The following BNC2 variants were observed in gnomAD, a reference collection of about 807,000 sequenced individuals.
BNC2 encodes the protein zinc finger protein basonuclin-2.
In BNC2, 20 loss-of-function variants were observed where a neutral mutation model predicts 76.3. That is an observed-to-expected ratio of 0.26 (90% CI 0.18 to 0.38). BNC2 has a LOEUF of 0.38. Among genes scored for constraint, BNC2 ranks in the 10% least tolerant of loss-of-function variants. BNC2 has a pLI of 1.00. For synonymous variants in BNC2, 582 were observed against 514.8 expected (o/e 1.13, Z -1.77); for missense variants, 1,382 against 1,399.8 (o/e 0.99, Z 0.20).
chr9:16,622,629 C>A (rs1820894831), intron 3 of BNC2, among the ~76,000 whole-genome samples: 1 of 152,124 alleles, frequency 6.6e-6, no homozygotes, highest in Non-Finnish European at 1.5e-5. Context: ...CTCTTGGAGG[C>A]ACAATTTTTG....
intron 5 of BNC2, among the ~76,000 whole-genome samples, chr9:16,484,093 G>A (rs1208937418): frequency 2.6e-5 from 4 of 152,164 alleles, no homozygotes; most frequent in East Asian, 1.9e-4. Context: ...GGCTTTTGAC[G>A]TGGTGTCATG....
At chr9:16,534,839 A>T (rs1818080473) in intron 5 of BNC2, among the ~76,000 whole-genome samples, 1 of 152,182 alleles carries the variant, frequency 6.6e-6, no homozygotes, top group Admixed American at 6.5e-5. Flanking sequence ...AAACTTTTAT[A>T]CTTTGGCTCT....
chr9:16,612,341 G>A (rs1164515967), intron 3 of BNC2, among the ~76,000 whole-genome samples: 1 of 152,094 alleles, frequency 6.6e-6, no homozygotes, highest in Non-Finnish European at 1.5e-5. Context: ...ATACAATACT[G>A]TACACATGAA....
chr9:16,730,900 C>T (rs867253432), intron 2 of BNC2, among the ~76,000 whole-genome samples: 2 of 152,132 alleles, frequency 1.3e-5, no homozygotes, highest in South Asian at 4.1e-4. Flanking sequence ...CAAAAAGAGA[C>T]AACAATTAAT....
intron 5 of BNC2, among the ~76,000 whole-genome samples, chr9:16,528,286 T>C (rs1224070257): frequency 2.6e-5 from 4 of 152,082 alleles, no homozygotes; most frequent in Non-Finnish European, 5.9e-5. Flanking sequence ...GTCATCTCTT[T>C]AACAGCTCTT....
At position 16,748,840 on chromosome 9, in the gene BNC2, C is replaced by CAAA. The variant is rs33931163; in HGVS notation, c.4-10358_4-10356dup. 1.2e-4 allele frequency among the ~76,000 whole-genome samples: 7 copies of CAAA among 57,236 alleles called. 1 individual carries two copies. The highest frequency in any genetic ancestry group is 4.9e-4 in the African/African-American group (7 of 14,178). The allele number at this position is 57,236 out of a possible 152,430, so 37.5% of individuals were successfully genotyped here. On this transcript the variant is annotated intron_variant, in intron 1 of 6. Coordinates refer to ENST00000380672, the MANE Select transcript of BNC2 (RefSeq NM_017637.6). Reference sequence around the variant, plus strand: ...CCTGGGCAACAGAGCGAAACCGTCTCAAAAAAAAAAAAAAAAAAAAAAAAG... The same window carrying CAAA: ...CCTGGGCAACAGAGCGAAACCGTCTCAAAAAAAAAAAAAAAAAAAAAAAAAAAG...
At chr9:16,551,133 G>C (rs943741) in intron 5 of BNC2, among the ~76,000 whole-genome samples, 65,590 of 151,976 alleles carry the variant, frequency 0.43, 14,840 homozygotes, top group African/African-American at 0.55. Flanking sequence ...TAAACATTCT[G>C]TATAAACTGA....
At chr9:16,733,590 T>G (rs1395838079) in intron 2 of BNC2, among the ~76,000 whole-genome samples, 1 of 152,134 alleles carries the variant, frequency 6.6e-6, no homozygotes, top group African/African-American at 2.4e-5. Context: ...GATGAAATAT[T>G]ACTCTACTAT....
chr9:16,664,086 T>C (rs150397863), intron 3 of BNC2, among the ~76,000 whole-genome samples: 2 of 152,258 alleles, frequency 1.3e-5, no homozygotes, highest in South Asian at 2.1e-4. Flanking sequence ...CTCGAAATAA[T>C]AGGCCTTTAT....
intron 1 of BNC2, among the ~76,000 whole-genome samples, chr9:16,861,817 G>A (rs906749152): frequency 2.0e-5 from 3 of 152,042 alleles, no homozygotes; most frequent in Admixed American, 6.6e-5. Flanking sequence ...GTGAAACAAC[G>A]TCTCTACTAA....
At chr9:16,437,944 T>C (rs1040043416) in intron 5 of BNC2, among the ~76,000 whole-genome samples, 5 of 152,230 alleles carry the variant, frequency 3.3e-5, no homozygotes, top group Non-Finnish European at 5.9e-5. Context: ...AGTGATACTA[T>C]AGGAAGGAAT....
intron 3 of BNC2, among the ~76,000 whole-genome samples, chr9:16,623,951 T>C (rs1007618267): frequency 8.5e-5 from 13 of 152,220 alleles, no homozygotes; most frequent in Non-Finnish European, 1.6e-4. Flanking sequence ...ATGTCAAACT[T>C]GGAAATCATA....
At chr9:16,647,268 G>C (rs935168622) in intron 3 of BNC2, among the ~76,000 whole-genome samples, 1 of 152,134 alleles carries the variant, frequency 6.6e-6, no homozygotes, top group Non-Finnish European at 1.5e-5. Context: ...AAAGGGGTAG[G>C]TGGTAGGTTA....
chr9:16,838,825 G>C (rs920864242), intron 1 of BNC2, among the ~76,000 whole-genome samples: 4 of 152,156 alleles, frequency 2.6e-5, no homozygotes, highest in Non-Finnish European at 5.9e-5. Context: ...GCTTATGCTA[G>C]GTTGGGTGAT....
At chr9:16,847,891 A>C (rs1375974028) in intron 1 of BNC2, among the ~76,000 whole-genome samples, 1 of 152,212 alleles carries the variant, frequency 6.6e-6, no homozygotes, top group Non-Finnish European at 1.5e-5. Context: ...TGAATTCAGG[A>C]AACTGGAGAG....
intron 1 of BNC2, among the ~76,000 whole-genome samples, chr9:16,846,033 C>T (rs537361048): frequency 2.0e-5 from 3 of 149,290 alleles, no homozygotes; most frequent in East Asian, 2.1e-4. Context: ...ACCTGCAGTC[C>T]GGAGGCTGAC....
intron 1 of BNC2, among the ~76,000 whole-genome samples, chr9:16,766,435 G>A (rs1329788184): frequency 6.6e-6 from 1 of 152,062 alleles, no homozygotes; most frequent in Non-Finnish European, 1.5e-5. Context: ...CTGCCCCACT[G>A]CCCTCCAATC....
chr9:16,585,120 A>C (rs551584781), intron 3 of BNC2, among the ~76,000 whole-genome samples: 2 of 152,116 alleles, frequency 1.3e-5, no homozygotes, highest in Non-Finnish European at 2.9e-5. Flanking sequence ...AAATATCCTA[A>C]TTTTGTATTG....
At chr9:16,518,245 T>C (rs1452605124) in intron 5 of BNC2, among the ~76,000 whole-genome samples, 1 of 152,074 alleles carries the variant, frequency 6.6e-6, no homozygotes, top group Non-Finnish European at 1.5e-5. Flanking sequence ...CTGGGCAACA[T>C]AGGGAGACCC....
Sources: allele counts gnomAD v4.1 joint callset (sites outside exome capture counted in the v4.1 genomes callset), GRCh38; gene constraint gnomAD v4.1.1; transcripts MANE v1.5; gene names NCBI Gene and HGNC (gene_info 2026-07-23, HGNC 2026-07-21).